The following ZPBP variants were observed in gnomAD, a reference collection of about 807,000 sequenced individuals.
The protein encoded by ZPBP is zona pellucida binding protein.
A neutral mutation model predicts 44.8 loss-of-function variants in ZPBP; 26 were observed. That is an observed-to-expected ratio of 0.58 (90% CI 0.43 to 0.81). The LOEUF is 0.81. ZPBP is among the 30% of genes least tolerant of loss of function. The pLI, the probability that ZPBP is intolerant of heterozygous loss-of-function variation, is 0.00. For synonymous variants in ZPBP, 174 were observed against 153.2 expected (o/e 1.14, Z -1.00); for missense variants, 409 against 434.0 (o/e 0.94, Z 0.51).
intron 1 of ZPBP, among the ~76,000 whole-genome samples, chr7:49,928,359 C>T (rs1168518943): frequency 6.6e-6 from 1 of 152,188 alleles, no homozygotes; most frequent in African/African-American, 2.4e-5. Context: ...TGCCTCTGAT[C>T]AGTGGGCCAA....
intron 5 of ZPBP, among the ~76,000 whole-genome samples, chr7:50,025,953 G>A (rs1473043868): frequency 6.6e-6 from 1 of 151,842 alleles, no homozygotes; most frequent in Non-Finnish European, 1.5e-5. Context: ...GGATAAAAAT[G>A]CAGGATCTAA....
intron 7 of ZPBP, among the ~76,000 whole-genome samples, chr7:49,967,749 T>A (rs969238476): frequency 1.3e-5 from 2 of 152,180 alleles, no homozygotes; most frequent in East Asian, 3.9e-4. Context: ...TTTCTCCATG[T>A]TGGTCAGGCT....
At chr7:50,052,224 G>A (rs1800731395) in intron 4 of ZPBP, among the ~76,000 whole-genome samples, 1 of 152,036 alleles carries the variant, frequency 6.6e-6, no homozygotes, top group Admixed American at 6.6e-5. Flanking sequence ...ATCTGTATAT[G>A]TGTATTAAAT....
rs146952231 is a variant in ZPBP, at chr7:50,000,598, A to G, written c.784-17079T>C. On this transcript the variant is annotated intron_variant, in intron 6 of 7. Coordinates refer to ENST00000046087, the MANE Select transcript of ZPBP (RefSeq NM_007009.3). Reference sequence around the variant, plus strand: ...CTCCAGTAACTTTGGACTGAAAGCAAAACTTCTTTATACCCATCTCACTAC... The same window carrying G: ...CTCCAGTAACTTTGGACTGAAAGCAGAACTTCTTTATACCCATCTCACTAC... Among the ~76,000 whole-genome samples, 368 of 152,278 alleles carry G rather than the reference A, an allele frequency of 2.4e-3. 2 individuals are homozygous for G. The highest frequency in any genetic ancestry group is 3.0e-3 in the Non-Finnish European group (204 of 68,026).
intron 7 of ZPBP, among the ~76,000 whole-genome samples, chr7:49,972,234 T>G (rs1387945851): frequency 6.6e-6 from 1 of 151,416 alleles, no homozygotes; most frequent in South Asian, 2.1e-4. Flanking sequence ...ATATTGAAAG[T>G]TCTAGCCAGA....
At chr7:50,078,173 G>A (rs1033125505) in intron 3 of ZPBP, among the ~76,000 whole-genome samples, 9 of 151,666 alleles carry the variant, frequency 5.9e-5, no homozygotes, top group Non-Finnish European at 1.0e-4. Flanking sequence ...TCACTTGTCT[G>A]TAGGATCTAA....
At chr7:49,863,902 T>A (rs1432271543) in intron 2 of ZPBP, among the ~76,000 whole-genome samples, 2 of 152,224 alleles carry the variant, frequency 1.3e-5, no homozygotes, top group Non-Finnish European at 2.9e-5. Flanking sequence ...TAGCCATAAA[T>A]TTCCCTTTTA....
chr7:49,881,176 A>G (rs1274734102), intron 2 of ZPBP, among the ~76,000 whole-genome samples: 2 of 152,152 alleles, frequency 1.3e-5, no homozygotes, highest in Non-Finnish European at 2.9e-5. Context: ...TACTAGGCTC[A>G]GGAGGTGAAG....
chr7:50,018,397 AT>A, intron 5 of ZPBP, 81 bp from the exon 6 acceptor site: 1 of 1,105,378 alleles, frequency 9.0e-7, no homozygotes, highest in Admixed American at 1.9e-5. Flanking sequence ...AAATGAAAGG[AT>A]ATTCTAACAT....
At chr7:49,878,132 A>G (rs1471168962) in intron 2 of ZPBP, among the ~76,000 whole-genome samples, 1 of 152,012 alleles carries the variant, frequency 6.6e-6, no homozygotes, top group African/African-American at 2.4e-5. Context: ...TGGTGCTTCT[A>G]CCCACAGCCT....
At chr7:49,976,470 T>C (rs1796522443) in intron 7 of ZPBP, among the ~76,000 whole-genome samples, 1 of 152,156 alleles carries the variant, frequency 6.6e-6, no homozygotes, top group Non-Finnish European at 1.5e-5. Context: ...AAACATGTCA[T>C]CCTATTGCCT....
At chr7:50,073,617 TC>T (rs1216962623) in intron 3 of ZPBP, among the ~76,000 whole-genome samples, 1 of 151,530 alleles carries the variant, frequency 6.6e-6, no homozygotes, top group Non-Finnish European at 1.5e-5. Flanking sequence ...ATAATCAAAC[TC>T]CCTAAGGTAA....
chr7:49,881,289 TTAGAGTGCTGCTGGCC>T lies in ZPBP; in HGVS notation n.509+19813_509+19828del, dbSNP rs1305086819. Among the ~76,000 whole-genome samples the T allele has an allele frequency of 9.9e-5, 15 of 152,278 alleles. No homozygotes were observed. In the East Asian group the frequency reaches 2.7e-3, roughly 27 times the overall value. ...TTTGTTTCATCAACCAGCTAAATCT[TTAGAGTGCTGCTGGCC>T]TATAAGAGACTCCACCCATCTAACA... is the stretch of plus-strand genomic sequence containing the variant. On this transcript the variant is annotated intron_variant and non_coding_transcript_variant, in intron 2 of 2. Transcript: ENST00000465922.
intron 3 of ZPBP, among the ~76,000 whole-genome samples, chr7:50,070,085 A>G (rs1044346334): frequency 6.6e-6 from 1 of 151,926 alleles, no homozygotes; most frequent in African/African-American, 2.4e-5. Flanking sequence ...ATTCACACAC[A>G]TACACACAAC....
intron 2 of ZPBP, among the ~76,000 whole-genome samples, chr7:49,853,533 G>T (rs1054875025): frequency 3.4e-5 from 5 of 149,142 alleles, no homozygotes; most frequent in African/African-American, 7.4e-5. Context: ...TAAGTTTTTG[G>T]TTTTTTTTTT....
intron 2 of ZPBP, among the ~76,000 whole-genome samples, chr7:49,898,756 A>G (rs1017888459): frequency 5.9e-5 from 9 of 152,132 alleles, no homozygotes; most frequent in African/African-American, 2.2e-4. Flanking sequence ...CATTACCCAC[A>G]AAGTGGTTTA....
rs1473890717 is a variant in ZPBP, at chr7:49,981,637, T to TAA, written c.961+1704_961+1705insTT. Among the ~76,000 whole-genome samples the TAA allele has an allele frequency of 1.7e-3, 151 of 87,900 alleles. 18 individuals carry two copies. Among genetic ancestry groups the TAA allele is most frequent in the African/African-American group, 4.9e-3 (100 of 20,452 alleles). 57.7% of individuals were successfully genotyped at this position (87,900 alleles called of 152,430 possible). A position where few individuals can be genotyped will look rare whatever the true frequency, so the allele number is the denominator to read the frequency against. ...TTATATTATATTATATTATATTATA[T>TAA]ATTATATAATATCTTGATATAAAAT... On this transcript the variant is annotated intron_variant, in intron 7 of 7. Coordinates refer to ENST00000046087, the MANE Select transcript of ZPBP (RefSeq NM_007009.3).
intron 5 of ZPBP, 39 bp from the exon 6 acceptor site, chr7:50,018,355 A>G (rs748580351): frequency 2.2e-6 from 3 of 1,375,730 alleles, no homozygotes; most frequent in South Asian, 1.2e-5. Context: ...GGTATAATGT[A>G]TTCTGTCACA....
intron 5 of ZPBP, among the ~76,000 whole-genome samples, chr7:50,022,199 A>G (rs866724426): frequency 6.6e-6 from 1 of 152,284 alleles, no homozygotes; most frequent in Middle Eastern, 3.4e-3. Flanking sequence ...TACTGGCAAA[A>G]GTAACTACAC....
Sources: allele counts gnomAD v4.1 joint callset (sites outside exome capture counted in the v4.1 genomes callset), GRCh38; gene constraint gnomAD v4.1.1; transcripts MANE v1.5; gene names NCBI Gene and HGNC (gene_info 2026-07-23, HGNC 2026-07-21).